Variants in PTPRN2 observed in about 807,000 individuals in gnomAD.
PTPRN2 encodes the protein protein tyrosine phosphatase receptor type N2, also known as receptor-type tyrosine-protein phosphatase N2.
A neutral mutation model predicts 118.8 loss-of-function variants in PTPRN2; 74 were observed. That is an observed-to-expected ratio of 0.62 (90% CI 0.52 to 0.76). The LOEUF (loss-of-function observed/expected upper bound fraction) is 0.76, where lower values mean the gene tolerates loss of function less well. Among genes scored for constraint, PTPRN2 ranks in the 30% least tolerant of loss-of-function variants. The pLI, the probability that PTPRN2 is intolerant of heterozygous loss-of-function variation, is 0.00. For synonymous variants in PTPRN2, 641 were observed against 608.0 expected (o/e 1.05, Z -0.80); for missense variants, 1,481 against 1,394.4 (o/e 1.06, Z -0.99).
chr7:158,235,681 G>C (rs560806896), intron 3 of PTPRN2, among the ~76,000 whole-genome samples: 5 of 152,272 alleles, frequency 3.3e-5, no homozygotes, highest in African/African-American at 9.6e-5. Context: ...TAGATCAACA[G>C]GGTGACTAGA....
Position 158,133,965 on chromosome 7 carries a change from A to T in PTPRN2, c.1268T>A (p.Met423Lys). ...GALPFARPLD[M>K]ERKKSEHPES... ...AGGGTGCTCGGACTTCTTCCTCTCC[A>T]TGTCGAGGGGCCTTGCAAAGGGGAG... is the stretch of plus-strand genomic sequence containing the variant. Residue 423 changes from methionine to lysine, a missense_variant, in exon 9 of 23, where the codon ATG becomes AAG. Transcript: ENST00000389418. The T allele has an allele frequency of 2.5e-6, 4 of 1,613,870 alleles. No individual in the cohort carries two copies. The highest frequency in any genetic ancestry group is 3.4e-6 in the Non-Finnish European group (4 of 1,180,002).
At chr7:158,369,609 T>C (rs911771877) in intron 2 of PTPRN2, among the ~76,000 whole-genome samples, 2 of 152,102 alleles carry the variant, frequency 1.3e-5, no homozygotes, top group African/African-American at 4.8e-5. Flanking sequence ...TTGGTAAATA[T>C]CAGCCCTGAT....
intron 2 of PTPRN2, among the ~76,000 whole-genome samples, chr7:158,353,681 C>T (rs190086101): frequency 1.5e-3 from 228 of 152,246 alleles, no homozygotes; most frequent in African/African-American, 4.6e-3. Flanking sequence ...AGAAAAACCC[C>T]GAACAGACAG....
intron 11 of PTPRN2, among the ~76,000 whole-genome samples, chr7:158,063,371 C>T (rs2128908846): frequency 6.6e-6 from 1 of 152,288 alleles, no homozygotes; most frequent in South Asian, 2.1e-4. Flanking sequence ...ATTGTAAATG[C>T]ACCAATCAGC....
chr7:157,798,643 C>T (rs781757079), intron 12 of PTPRN2, among the ~76,000 whole-genome samples: 3 of 152,228 alleles, frequency 2.0e-5, no homozygotes, highest in Non-Finnish European at 4.4e-5. Flanking sequence ...ACCCATCCTT[C>T]ATCTTAATAA....
At chr7:157,758,881 T>TAACA (rs1202763886) in intron 12 of PTPRN2, among the ~76,000 whole-genome samples, 3 of 152,188 alleles carry the variant, frequency 2.0e-5, no homozygotes, top group Non-Finnish European at 1.5e-5. Flanking sequence ...GCTCTGTGGC[T>TAACA]AACAAACAGC....
At chr7:158,553,829 G>T (rs1033165258) in intron 1 of PTPRN2, among the ~76,000 whole-genome samples, 1 of 150,874 alleles carries the variant, frequency 6.6e-6, no homozygotes, top group Admixed American at 6.6e-5. Flanking sequence ...TTGCATCGGG[G>T]GGGCTCTAAC....
At chr7:158,396,392 G>A (rs906318612) in intron 2 of PTPRN2, among the ~76,000 whole-genome samples, 8 of 152,258 alleles carry the variant, frequency 5.3e-5, no homozygotes, top group Non-Finnish European at 1.0e-4. Context: ...AGCATCGTGA[G>A]GTGAAGTCTG....
At chr7:158,478,846 C>T (rs181511999) in intron 2 of PTPRN2, among the ~76,000 whole-genome samples, 54 of 152,224 alleles carry the variant, frequency 3.5e-4, no homozygotes, top group Middle Eastern at 3.4e-3. Flanking sequence ...CCTACACAGT[C>T]CAAGAAAAAG....
chr7:158,158,681 T>G (rs59517080), intron 6 of PTPRN2, among the ~76,000 whole-genome samples: 2,117 of 22,332 alleles, frequency 0.095, 6 homozygotes, highest in African/African-American at 0.27. Flanking sequence ...ATGAGTGAAC[T>G]CGGGAGAATC....
At chr7:157,575,156 AAC>A (rs1192283433) in intron 19 of PTPRN2, among the ~76,000 whole-genome samples, 1 of 152,226 alleles carries the variant, frequency 6.6e-6, no homozygotes, top group Non-Finnish European at 1.5e-5. Context: ...TATACGTGCA[AAC>A]ACACTGGATG....
rs62480197 is a variant in PTPRN2 at position 158,109,942 on chromosome 7, C to T, written c.1643+887G>A. On this transcript the variant is annotated intron_variant, in intron 10 of 22. Coordinates refer to ENST00000389418, the MANE Select transcript of PTPRN2 (RefSeq NM_002847.5). ...AGTGAATGACGTCACTCTGTGGGAG[C>T]CAGTGAGTGAATGACGTCACCTGTG... Among the ~76,000 whole-genome samples the T allele has an allele frequency of 1.0e-3, 152 of 151,420 alleles. 1 individual carries two copies. Among genetic ancestry groups the T allele is most frequent in the African/African-American group, 3.5e-3 (146 of 41,128 alleles).
At chr7:158,280,571 G>A (rs972271253) in intron 3 of PTPRN2, among the ~76,000 whole-genome samples, 5 of 152,220 alleles carry the variant, frequency 3.3e-5, no homozygotes, top group Admixed American at 1.3e-4. Flanking sequence ...GAGATACCGG[G>A]TGGAGAGGGC....
rs1367202719 is a variant in PTPRN2, at chr7:158,297,390, G to T, written c.277+19429C>A. Among the ~76,000 whole-genome samples, 6 of 152,214 alleles carry T rather than the reference G, an allele frequency of 3.9e-5. 1 individual carries two copies. Among genetic ancestry groups the T allele is most frequent in the Non-Finnish European group, 8.8e-5 (6 of 68,044 alleles). On this transcript the variant is annotated intron_variant, in intron 3 of 22. Coordinates refer to ENST00000389418, the MANE Select transcript of PTPRN2 (RefSeq NM_002847.5). ...TTTGGGAAGGGAAGACGCCCCTGGA[G>T]CCACAGTGATGACACTGCAAAGTCC...
chr7:157,696,995 C>T (rs1366198476), intron 12 of PTPRN2, among the ~76,000 whole-genome samples: 5 of 95,214 alleles, frequency 5.3e-5, no homozygotes, highest in South Asian at 4.6e-4. Flanking sequence ...TGGGTCTTGG[C>T]AGAGCCCTCA....
intron 1 of PTPRN2, among the ~76,000 whole-genome samples, chr7:158,505,182 A>G (rs1479836313): frequency 5.3e-5 from 8 of 152,222 alleles, no homozygotes; most frequent in Admixed American, 3.3e-4. Context: ...TCACTGAGGC[A>G]TAAGTCTGAA....
Position 157,855,179 on chromosome 7 carries a change from A to T in PTPRN2, c.1788+43494T>A, listed in dbSNP as rs866638404. Among the ~76,000 whole-genome samples the T allele has an allele frequency of 1.8e-3, 129 of 72,948 alleles. 3 individuals are homozygous for T. The Middle Eastern group carries it at 0.057, about 32-fold the overall frequency. 47.9% of individuals were successfully genotyped at this position (72,948 alleles called of 152,430 possible). ...CCGGATCGGGGAGGATGGCTGCACC[A>T]TTGCAGGGGTGTGTGTGGGGCCGGA... On this transcript the variant is annotated intron_variant, in intron 12 of 22. Transcript: ENST00000389418.
chr7:157,804,986 T>C (rs1007215680), intron 12 of PTPRN2, among the ~76,000 whole-genome samples: 1 of 152,286 alleles, frequency 6.6e-6, no homozygotes, highest in South Asian at 2.1e-4. Context: ...GCCCCTGAGC[T>C]CTCAGAGGGA....
chr7:158,437,992 A>G (rs778450085), intron 2 of PTPRN2, among the ~76,000 whole-genome samples: 11 of 152,138 alleles, frequency 7.2e-5, no homozygotes, highest in Non-Finnish European at 1.6e-4. Context: ...CTGGTTTCTC[A>G]GCCTCTTTCG....
Sources: gnomAD v4.1 joint callset for allele counts (sites outside exome capture counted in the v4.1 genomes callset) on GRCh38, gnomAD v4.1.1 for gene constraint, MANE v1.5 for transcripts, NCBI Gene and HGNC (gene_info 2026-07-23, HGNC 2026-07-21) for gene names.